Variants in SMAD3 observed in about 807,000 individuals in gnomAD.
SMAD3 encodes MAD homolog 3.
A neutral mutation model predicts 51.8 loss-of-function variants in SMAD3; 12 were observed. The ratio of observed to expected loss-of-function variants is 0.23; its 90% CI spans 0.15 to 0.38. SMAD3 has a LOEUF of 0.38. SMAD3 is among the 10% of genes least tolerant of loss of function. The pLI is 1.00. For missense variants in SMAD3, 294 were observed against 565.6 expected (o/e 0.52, Z 4.87); for synonymous variants, 238 against 227.7 (o/e 1.05, Z -0.41).
At chr15:67,162,588 C>G (rs1195416666) in intron 1 of SMAD3, among the ~76,000 whole-genome samples, 2 of 152,196 alleles carry the variant, frequency 1.3e-5, no homozygotes, top group Non-Finnish European at 2.9e-5. Context: ...TTTATCATGG[C>G]CTTTGGGGCC....
intron 5 of SMAD3, among the ~76,000 whole-genome samples, chr15:67,177,075 A>G (rs576848604): frequency 1.1e-4 from 16 of 152,126 alleles, no homozygotes; most frequent in African/African-American, 3.9e-4. Context: ...CCAGATCTTA[A>G]TTTGCTTGCT....
chr15:67,111,651 T>C (rs373744223), intron 1 of SMAD3, among the ~76,000 whole-genome samples: 13 of 152,232 alleles, frequency 8.5e-5, no homozygotes, highest in East Asian at 1.9e-4. Context: ...CCCATCCTTG[T>C]CAACACTTGT....
chr15:67,143,603 T>C (rs1961893229), intron 1 of SMAD3, among the ~76,000 whole-genome samples: 1 of 151,826 alleles, frequency 6.6e-6, no homozygotes, highest in African/African-American at 2.4e-5. Context: ...CCTGGCTCAT[T>C]TTTGTCTTTT....
intron 4 of SMAD3, among the ~76,000 whole-genome samples, chr15:67,167,652 T>C (rs1962627359): frequency 6.6e-6 from 1 of 152,190 alleles, no homozygotes; most frequent in Non-Finnish European, 1.5e-5. Context: ...CAACCACATG[T>C]GATGTGTGTG....
intron 1 of SMAD3, among the ~76,000 whole-genome samples, chr15:67,091,931 G>A (rs1316821071): frequency 1.3e-5 from 2 of 152,308 alleles, no homozygotes; most frequent in African/African-American, 2.4e-5. Flanking sequence ...CCCAGAACTT[G>A]GAGGAAGCCG....
At chr15:67,137,395 C>G (rs1439062239) in intron 1 of SMAD3, among the ~76,000 whole-genome samples, 3 of 152,116 alleles carry the variant, frequency 2.0e-5, no homozygotes, top group Non-Finnish European at 4.4e-5. Context: ...GGATCACTAC[C>G]TTCCCATGTG....
At chr15:67,170,396 G>A (rs1207647124) in intron 4 of SMAD3, among the ~76,000 whole-genome samples, 158 bp from the exon 5 acceptor site, 1 of 152,152 alleles carries the variant, frequency 6.6e-6, no homozygotes, top group Non-Finnish European at 1.5e-5. Flanking sequence ...GGAAAGTAGA[G>A]GCAAGGGTAT....
chr15:67,170,391 G>C (rs3743341), intron 4 of SMAD3, among the ~76,000 whole-genome samples, 163 bp from the exon 5 acceptor site: 2 of 152,192 alleles, frequency 1.3e-5, no homozygotes, highest in Non-Finnish European at 2.9e-5. Context: ...GGGAGGGAAA[G>C]TAGAGGCAAG....
chr15:67,101,977 T>C (rs1566968711), intron 1 of SMAD3, among the ~76,000 whole-genome samples: 1 of 152,230 alleles, frequency 6.6e-6, no homozygotes, highest in South Asian at 2.1e-4. Flanking sequence ...TTTGCCTTTG[T>C]CTTTAGGAGA....
intron 1 of SMAD3, among the ~76,000 whole-genome samples, chr15:67,080,536 T>G (rs1960258721): frequency 6.6e-6 from 1 of 152,154 alleles, no homozygotes; most frequent in Non-Finnish European, 1.5e-5. Flanking sequence ...TGGATGATAT[T>G]TAATGGCCAA....
intron 1 of SMAD3, among the ~76,000 whole-genome samples, chr15:67,137,028 C>A (rs559821112): frequency 6.9e-4 from 105 of 152,330 alleles, no homozygotes; most frequent in Non-Finnish European, 1.1e-3. Context: ...AGGCTGGGGT[C>A]TGACCTCTTT....
Position 67,193,660 on chromosome 15 carries a change from G to A in SMAD3, c.*3124G>A. On this transcript the variant is annotated 3_prime_UTR_variant, in exon 9 of 9. Transcript: ENST00000327367. The stretch of plus-strand genomic sequence containing the variant: ...ACACATGAGGGCAAGGCTGCTGGCA[G>A]ACGTCTCCATTGTCCTTATGTTGTC... 1.3e-5 allele frequency: 3 copies of A among 233,562 alleles called. No individual in the cohort carries two copies. Among genetic ancestry groups the A allele is most frequent in the Non-Finnish European group, 2.5e-5 (3 of 117,902 alleles). 14.5% of individuals were successfully genotyped at this position (233,562 alleles called of 1,614,324 possible). A position where few individuals can be genotyped will look rare whatever the true frequency, so the allele number is the denominator to read the frequency against.
intron 1 of SMAD3, among the ~76,000 whole-genome samples, chr15:67,087,229 C>T (rs1478577375): frequency 6.6e-6 from 1 of 152,130 alleles, no homozygotes. Flanking sequence ...TGGGAAGCAG[C>T]CTTAGTTGGC....
chr15:67,126,940 C>T (rs778319661), intron 1 of SMAD3, among the ~76,000 whole-genome samples: 8 of 152,172 alleles, frequency 5.3e-5, no homozygotes, highest in Non-Finnish European at 1.0e-4. Flanking sequence ...TTGAATATTC[C>T]AGGACGAGGT....
At chr15:67,159,013 T>G (rs930414799) in intron 1 of SMAD3, among the ~76,000 whole-genome samples, 1 of 152,198 alleles carries the variant, frequency 6.6e-6, no homozygotes, top group Non-Finnish European at 1.5e-5. Flanking sequence ...GGATTGTTAA[T>G]ACTGAGTGTT....
At chr15:67,182,585 C>T (rs1421239328) in intron 6 of SMAD3, among the ~76,000 whole-genome samples, 1 of 152,050 alleles carries the variant, frequency 6.6e-6, no homozygotes, top group Non-Finnish European at 1.5e-5. Flanking sequence ...TCACAGAAGA[C>T]TTCATTTGAA....
intron 1 of SMAD3, among the ~76,000 whole-genome samples, chr15:67,116,495 G>A (rs926140144): frequency 6.6e-6 from 1 of 152,308 alleles, no homozygotes; most frequent in East Asian, 1.9e-4. Context: ...GGGGTGTGTG[G>A]ACGTTGTCTC....
intron 1 of SMAD3, chr15:67,142,684 G>C (rs1046834703): frequency 9.7e-6 from 3 of 310,614 alleles, no homozygotes; most frequent in Non-Finnish European, 2.0e-5. Context: ...CCAGAGGCCT[G>C]GTAACGGCAG....
chr15:67,144,475 A>T (rs57055478), intron 1 of SMAD3, among the ~76,000 whole-genome samples: 2,749 of 152,320 alleles, frequency 0.018, 84 homozygotes, highest in African/African-American at 0.062. Flanking sequence ...AAATTTGTTT[A>T]GAATTCATTT....
Sources: gnomAD v4.1 joint callset for allele counts (sites outside exome capture counted in the v4.1 genomes callset) on GRCh38, gnomAD v4.1.1 for gene constraint, MANE v1.5 for transcripts, NCBI Gene and HGNC (gene_info 2026-07-23, HGNC 2026-07-21) for gene names.